Variants in LYPLA1 observed in about 807,000 individuals in gnomAD.
LYPLA1 encodes acyl-protein thioesterase 1.
LYPLA1 carries 17 observed loss-of-function variants against 34.0 expected under a neutral mutation model. The ratio of observed to expected loss-of-function variants is 0.50; its 90% CI spans 0.34 to 0.75. The LOEUF is 0.75. Among genes scored for constraint, LYPLA1 ranks in the 30% least tolerant of loss-of-function variants. The pLI is 0.01. For missense variants in LYPLA1, 203 were observed against 288.8 expected (o/e 0.70, Z 2.15); for synonymous variants, 98 against 100.8 (o/e 0.97, Z 0.17).
At chr8:54,061,237 C>T (rs1806610247) in intron 5 of LYPLA1, among the ~76,000 whole-genome samples, 1 of 151,936 alleles carries the variant, frequency 6.6e-6, no homozygotes, top group Admixed American at 6.6e-5. Flanking sequence ...TGCGTGACCA[C>T]GCCCAGCTAA....
chr8:54,089,577 ATAAG>A (rs1809067613), intron 2 of LYPLA1, among the ~76,000 whole-genome samples: 5 of 151,874 alleles, frequency 3.3e-5, no homozygotes, highest in South Asian at 2.1e-4. Context: ...CACTGTAATA[ATAAG>A]TAAGTGGCAG....
chr8:54,101,169 TCCC>T (rs1337679356), intron 1 of LYPLA1, among the ~76,000 whole-genome samples: 1 of 150,650 alleles, frequency 6.6e-6, no homozygotes, highest in Non-Finnish European at 1.5e-5. Flanking sequence ...CACTGAGAGG[TCCC>T]AGTTAGACAT....
Position 54,085,257 on chromosome 8 carries a change from G to C in LYPLA1, c.101+15651C>G, listed in dbSNP as rs184625744. ...CCAGCCTCGGCATCCCGAGGTGCCG[G>C]GATTGCAGACGGAGTCTCGCTCACT... On this transcript the variant is annotated intron_variant, in intron 2 of 8. Coordinates refer to ENST00000316963, the MANE Select transcript of LYPLA1 (RefSeq NM_006330.4). Among the ~76,000 whole-genome samples, 176 of 152,274 alleles carry C rather than the reference G, an allele frequency of 1.2e-3. 1 individual carries two copies. The East Asian group carries it at 0.032, about 28-fold the overall frequency.
At chr8:54,095,217 G>C (rs1809594956) in intron 2 of LYPLA1, among the ~76,000 whole-genome samples, 1 of 151,952 alleles carries the variant, frequency 6.6e-6, no homozygotes, top group Admixed American at 6.6e-5. Context: ...GGCTGGTACT[G>C]AACTACTGAC....
At chr8:54,085,278 T>C (rs1316497532) in intron 2 of LYPLA1, among the ~76,000 whole-genome samples, 1 of 152,192 alleles carries the variant, frequency 6.6e-6, no homozygotes, top group Non-Finnish European at 1.5e-5. Context: ...GGAGTCTCGC[T>C]CACTCAGTGC....
intron 2 of LYPLA1, among the ~76,000 whole-genome samples, chr8:54,069,663 T>C (rs1010827529): frequency 6.6e-6 from 1 of 151,760 alleles, no homozygotes; most frequent in Non-Finnish European, 1.5e-5. Flanking sequence ...TGAGCTGAGA[T>C]TGTGCCACTC....
At chr8:54,099,215 C>G (rs558521504) in intron 2 of LYPLA1, among the ~76,000 whole-genome samples, 1 of 152,038 alleles carries the variant, frequency 6.6e-6, no homozygotes, top group South Asian at 2.1e-4. Context: ...CCCTGACTTG[C>G]AACATCAAGA....
At chr8:54,084,141 A>AATACATATATATATATATAT (rs1554547934) in intron 2 of LYPLA1, among the ~76,000 whole-genome samples, 1 of 118,676 alleles carries the variant, frequency 8.4e-6, no homozygotes, top group African/African-American at 4.6e-5. Flanking sequence ...AAAATAAATA[A>AATACATATATATATATATAT]ATATATATAT....
At chr8:54,066,645 G>C (rs1362247728) in intron 2 of LYPLA1, among the ~76,000 whole-genome samples, 1 of 151,854 alleles carries the variant, frequency 6.6e-6, no homozygotes, top group East Asian at 1.9e-4. Flanking sequence ...GCCAGGCATG[G>C]TGGTGTGCAC....
chr8:54,092,063 C>T (rs536543500), intron 2 of LYPLA1, among the ~76,000 whole-genome samples: 1 of 151,742 alleles, frequency 6.6e-6, no homozygotes, highest in East Asian at 1.9e-4. Flanking sequence ...GAGTGAGAGA[C>T]CCTGTCGAAG....
chr8:54,066,319 T>C (rs1807066336), intron 2 of LYPLA1, among the ~76,000 whole-genome samples: 2 of 152,182 alleles, frequency 1.3e-5, no homozygotes, highest in African/African-American at 4.8e-5. Flanking sequence ...CTGTTAAGTT[T>C]TACCTAGGGA....
downstream of LYPLA1, among the ~76,000 whole-genome samples, chr8:54,044,326 T>C (rs1805430629): frequency 6.6e-6 from 1 of 152,180 alleles, no homozygotes; most frequent in South Asian, 2.1e-4. Context: ...ATTTAAATTC[T>C]GAGGCTGTCA....
rs750537709 is a variant in LYPLA1, at chr8:54,101,850, G to A, written c.-27C>T. ...CACCGCCTCAGCTCACAGCGCAAGC[G>A]GAAGGAAGAGCGGGCGCCCGGCCGC... On this transcript the variant is annotated 5_prime_UTR_variant, in exon 1 of 9. Transcript: ENST00000316963. 1.1e-5 allele frequency: 14 copies of A among 1,235,774 alleles called. No individual in the cohort carries two copies. Among genetic ancestry groups the A allele is most frequent in the African/African-American group, 1.6e-5 (1 of 64,134 alleles). The allele number at this position is 1,235,774 out of a possible 1,614,324, so 76.6% of individuals were successfully genotyped here. A position where few individuals can be genotyped will look rare whatever the true frequency, so the allele number is the denominator to read the frequency against.
chr8:54,088,639 T>C (rs549948896), intron 2 of LYPLA1, among the ~76,000 whole-genome samples: 9 of 152,354 alleles, frequency 5.9e-5, no homozygotes, highest in Middle Eastern at 3.4e-3. Context: ...TAAAAACATA[T>C]GTCCATACAA....
chr8:54,092,853 C>T (rs1809409073), intron 2 of LYPLA1, among the ~76,000 whole-genome samples: 2 of 152,108 alleles, frequency 1.3e-5, no homozygotes, highest in Admixed American at 1.3e-4. Flanking sequence ...AAATCAGGAC[C>T]TGTGTGGTGG....
intron 1 of LYPLA1, among the ~76,000 whole-genome samples, chr8:54,101,146 G>T (rs1035303622): frequency 1.9e-5 from 2 of 107,682 alleles, no homozygotes; most frequent in Admixed American, 1.7e-4. Context: ...GATAATGAAT[G>T]GGGGGGGGGT....
At chr8:54,075,496 C>T (rs1563619959) in intron 2 of LYPLA1, among the ~76,000 whole-genome samples, 3 of 152,260 alleles carry the variant, frequency 2.0e-5, no homozygotes, top group East Asian at 1.9e-4. Context: ...GAGCAACACC[C>T]GAACAGAGCC....
At chr8:54,091,227 C>T (rs1809221826) in intron 2 of LYPLA1, among the ~76,000 whole-genome samples, 1 of 152,064 alleles carries the variant, frequency 6.6e-6, no homozygotes, top group Admixed American at 6.5e-5. Flanking sequence ...GTGGCTCATG[C>T]CTGTAATCCC....
At chr8:54,097,296 C>T (rs939615201) in intron 2 of LYPLA1, among the ~76,000 whole-genome samples, 6 of 152,094 alleles carry the variant, frequency 3.9e-5, no homozygotes, top group African/African-American at 1.4e-4. Context: ...GGTATTTATA[C>T]CAGAAATGCA....
Sources: allele counts gnomAD v4.1 joint callset (sites outside exome capture counted in the v4.1 genomes callset), GRCh38; gene constraint gnomAD v4.1.1; transcripts MANE v1.5; gene names NCBI Gene and HGNC (gene_info 2026-07-23, HGNC 2026-07-21).